The following RPS6KC1 variants were observed in gnomAD, a reference collection of about 807,000 sequenced individuals.
The protein encoded by RPS6KC1 is ribosomal protein S6 kinase C1.
A neutral mutation model predicts 103.8 loss-of-function variants in RPS6KC1; 54 were observed. That is an observed-to-expected ratio of 0.52 (90% CI 0.42 to 0.65). The LOEUF is 0.65. RPS6KC1 is among the 30% of genes least tolerant of loss of function. The pLI is 0.00. For synonymous variants in RPS6KC1, 439 were observed against 438.7 expected (o/e 1.00, Z -0.01); for missense variants, 1,151 against 1,253.8 (o/e 0.92, Z 1.24).
the RPS6KC1 span, among the ~76,000 whole-genome samples, chr1:213,509,737 A>G: frequency 6.6e-6 from 1 of 152,202 alleles, no homozygotes; most frequent in Non-Finnish European, 1.5e-5. Context: ...ACATTTTATA[A>G]TGTTCTCCCC....
intron 6 of RPS6KC1, among the ~76,000 whole-genome samples, chr1:213,162,101 G>C (rs1204275207): frequency 1.3e-5 from 2 of 151,906 alleles, no homozygotes; most frequent in East Asian, 3.9e-4. Context: ...CTTAGTTTTG[G>C]CTCTTTCTTT....
chr1:213,824,611 C>T, the RPS6KC1 span, among the ~76,000 whole-genome samples: 2 of 152,168 alleles, frequency 1.3e-5, no homozygotes, highest in African/African-American at 4.8e-5. Flanking sequence ...ATCATGGGGG[C>T]AGGTCTTGTC....
intron 12 of RPS6KC1, among the ~76,000 whole-genome samples, chr1:213,243,285 ATT>A (rs56097039): frequency 2.5e-3 from 373 of 150,134 alleles, no homozygotes; most frequent in African/African-American, 5.9e-3. Flanking sequence ...AATTAAAAAA[ATT>A]TTTTTTTTTT....
chr1:213,191,785 A>G (rs1327538828), intron 8 of RPS6KC1, among the ~76,000 whole-genome samples: 1 of 151,420 alleles, frequency 6.6e-6, no homozygotes, highest in Non-Finnish European at 1.5e-5. Context: ...TCTGTCGTAT[A>G]TGGTTTTTAT....
the RPS6KC1 span, among the ~76,000 whole-genome samples, chr1:213,653,970 T>G: frequency 8.5e-5 from 13 of 152,314 alleles, no homozygotes; most frequent in Admixed American, 3.3e-4. Flanking sequence ...GGTCAGGACT[T>G]GAGGTCATGT....
chr1:213,829,000 C>T, the RPS6KC1 span, among the ~76,000 whole-genome samples: 3 of 152,054 alleles, frequency 2.0e-5, no homozygotes, highest in Admixed American at 6.6e-5. Context: ...TTAGCTGCAA[C>T]GGGCTAGTGG....
the RPS6KC1 span, among the ~76,000 whole-genome samples, chr1:213,530,689 G>A: frequency 3.3e-5 from 5 of 152,236 alleles, no homozygotes; most frequent in African/African-American, 7.2e-5. Flanking sequence ...TGGCACATGA[G>A]TGCTGGCCAA....
the RPS6KC1 span, among the ~76,000 whole-genome samples, chr1:213,282,195 A>G: frequency 9.2e-5 from 14 of 152,214 alleles, no homozygotes; most frequent in East Asian, 1.5e-3. Flanking sequence ...CTTTGAGAAT[A>G]TGGTTTCAAC....
the RPS6KC1 span, among the ~76,000 whole-genome samples, chr1:213,569,488 C>A: frequency 6.6e-6 from 1 of 152,146 alleles, no homozygotes; most frequent in African/African-American, 2.4e-5. Context: ...CAGCTGCATC[C>A]AGAACAGAAG....
At chr1:213,312,830 G>A in the RPS6KC1 span, among the ~76,000 whole-genome samples, 1 of 152,166 alleles carries the variant, frequency 6.6e-6, no homozygotes, top group Non-Finnish European at 1.5e-5. Flanking sequence ...ACAGTTGGTG[G>A]ATAATGACAG....
chr1:213,705,375 A>G, the RPS6KC1 span, among the ~76,000 whole-genome samples: 1 of 152,238 alleles, frequency 6.6e-6, no homozygotes, highest in East Asian at 1.9e-4. Context: ...TTCCAAAGGC[A>G]GAGGATCCCC....
At chr1:213,536,028 C>A in the RPS6KC1 span, among the ~76,000 whole-genome samples, 1,156 of 152,078 alleles carry the variant, frequency 7.6e-3, 56 homozygotes, top group Admixed American at 0.069. Flanking sequence ...CAATAGTGTT[C>A]CCTTCACTTG....
the RPS6KC1 span, among the ~76,000 whole-genome samples, chr1:213,753,676 A>G: frequency 1.3e-5 from 2 of 152,122 alleles, no homozygotes; most frequent in Non-Finnish European, 2.9e-5. Flanking sequence ...AGGTACCTGT[A>G]GGACAGCATC....
At chr1:213,838,601 C>T in the RPS6KC1 span, among the ~76,000 whole-genome samples, 1 of 152,152 alleles carries the variant, frequency 6.6e-6, no homozygotes, top group East Asian at 1.9e-4. Context: ...AAAAATGAAA[C>T]CTTATTTGTT....
chr1:213,238,782 A>G (rs147393096), intron 10 of RPS6KC1, among the ~76,000 whole-genome samples: 2 of 152,308 alleles, frequency 1.3e-5, no homozygotes, highest in Non-Finnish European at 2.9e-5. Context: ...TGATTTAACA[A>G]GCAGTGACTT....
the RPS6KC1 span, among the ~76,000 whole-genome samples, chr1:213,855,865 A>C: frequency 1.3e-5 from 2 of 152,186 alleles, no homozygotes; most frequent in South Asian, 4.1e-4. Flanking sequence ...TCCCAGTGTG[A>C]TTTTCCACAT....
the RPS6KC1 span, among the ~76,000 whole-genome samples, chr1:213,376,702 G>C: frequency 2.0e-5 from 3 of 152,136 alleles, no homozygotes; most frequent in Non-Finnish European, 2.9e-5. Context: ...GACAATTAGG[G>C]GGTCCCCTGG....
intron 2 of RPS6KC1, among the ~76,000 whole-genome samples, chr1:213,077,068 C>G (rs2079412676): frequency 6.6e-6 from 1 of 152,172 alleles, no homozygotes; most frequent in Non-Finnish European, 1.5e-5. Flanking sequence ...TGGGGTTTCA[C>G]CATGTTGGCC....
chr1:213,111,544 A>T (rs2148837637), intron 4 of RPS6KC1, among the ~76,000 whole-genome samples: 1 of 152,230 alleles, frequency 6.6e-6, no homozygotes, highest in Non-Finnish European at 1.5e-5. Context: ...AATATTTAGG[A>T]TTATGAGCTA....
Sources: gnomAD v4.1 joint callset for allele counts (sites outside exome capture counted in the v4.1 genomes callset) on GRCh38, gnomAD v4.1.1 for gene constraint, MANE v1.5 for transcripts, NCBI Gene and HGNC (gene_info 2026-07-23, HGNC 2026-07-21) for gene names.